Variants in TOM1L2 observed in about 807,000 individuals in gnomAD.
TOM1L2 encodes target of myb1 like 2 membrane trafficking protein, also known as TOM1-like protein 2.
TOM1L2 carries 31 observed loss-of-function variants against 67.9 expected under a neutral mutation model. That is an observed-to-expected ratio of 0.46 (90% CI 0.34 to 0.62). TOM1L2 has a LOEUF of 0.62. Ranked by LOEUF, TOM1L2 falls within the 20% of genes least tolerant of loss-of-function variation. The probability of loss-of-function intolerance (pLI) is 0.01; values close to 1 mark genes in which losing one functional copy is unlikely to be tolerated. For missense variants in TOM1L2, 606 were observed against 663.5 expected (o/e 0.91, Z 0.95); for synonymous variants, 256 against 254.0 (o/e 1.01, Z -0.07).
rs184908441 is a variant in TOM1L2 at position 17,881,555 on chromosome 17, G to A, written c.660+1150C>T. Among the ~76,000 whole-genome samples the A allele has an allele frequency of 9.2e-5, 14 of 152,292 alleles. No individual in the cohort carries two copies. The East Asian group carries it at 2.7e-3, about 29-fold the overall frequency. ...GGCACAGTTCTGCCCATAGAAGCAG[G>A]GCCAAAAGCCAGAGACCTTCTTTCC... On this transcript the variant is annotated intron_variant, in intron 6 of 14. Coordinates refer to ENST00000379504, the MANE Select transcript of TOM1L2 (RefSeq NM_001082968.2).
In TOM1L2 at chr17:17,847,713, C is replaced by T. The variant is rs780707839; in HGVS notation, c.1446G>A (p.Met482Ile). 4.3e-6 allele frequency: 7 copies of T among 1,613,866 alleles called. No individual in the cohort carries two copies. The African/African-American group carries it at 6.7e-5, about 15-fold the overall frequency. The change falls in exon 15 of 15, where the codon ATG (methionine) becomes ATA (isoleucine). Residue 482 changes from methionine to isoleucine, a missense_variant. Transcript: ENST00000379504. ...GGTTTGAGGCTGGGGCAGGAGCCTC[C>T]ATGGGGGGCGAGGGGAGGTCGGGAA... ...EMVPDLPSPP[M>I]EAPAPASNPS... is the part of the protein sequence containing the mutation.
intron 4 of TOM1L2, among the ~76,000 whole-genome samples, chr17:17,887,594 G>C (rs984661995): frequency 1.3e-5 from 2 of 152,156 alleles, no homozygotes; most frequent in African/African-American, 4.8e-5. Flanking sequence ...TCCCACTTTA[G>C]CCTCCAGAGT....
intron 1 of TOM1L2, among the ~76,000 whole-genome samples, chr17:17,968,274 A>G (rs2041939003): frequency 6.6e-6 from 1 of 152,218 alleles, no homozygotes; most frequent in Non-Finnish European, 1.5e-5. Context: ...AACAGACAAA[A>G]TTATTTAGGT....
intron 1 of TOM1L2, among the ~76,000 whole-genome samples, chr17:17,917,324 A>AC (rs1009357750): frequency 1.3e-5 from 2 of 151,708 alleles, no homozygotes; most frequent in African/African-American, 4.8e-5. Context: ...ACAGAGCAAG[A>AC]CCCCATCTCA....
At chr17:17,903,990 G>T (rs1008984065) in intron 2 of TOM1L2, among the ~76,000 whole-genome samples, 9 of 151,472 alleles carry the variant, frequency 5.9e-5, no homozygotes, top group African/African-American at 2.0e-4. Flanking sequence ...CTCAGGAAGA[G>T]ATTATTATTA....
At chr17:17,919,663 G>A (rs1411761367) in intron 1 of TOM1L2, among the ~76,000 whole-genome samples, 1 of 152,156 alleles carries the variant, frequency 6.6e-6, no homozygotes, top group African/African-American at 2.4e-5. Flanking sequence ...GAGGGGCCAC[G>A]GTGTTGTTGC....
chr17:17,881,546 T>A (rs2037723393), intron 6 of TOM1L2, among the ~76,000 whole-genome samples: 2 of 152,204 alleles, frequency 1.3e-5, no homozygotes, highest in South Asian at 4.1e-4. Flanking sequence ...GTTCTGCCCA[T>A]AGAAGCAGGG....
chr17:17,882,965 G>A (rs2037809893), intron 5 of TOM1L2, 102 bp from the exon 6 acceptor site: 7 of 1,439,542 alleles, frequency 4.9e-6, no homozygotes, highest in Admixed American at 1.8e-5. Flanking sequence ...GGCTGCCCAC[G>A]AAAGGCTCAA....
intron 1 of TOM1L2, among the ~76,000 whole-genome samples, chr17:17,934,701 C>T (rs1484107871): frequency 6.6e-6 from 1 of 152,020 alleles, no homozygotes; most frequent in African/African-American, 2.4e-5. Context: ...TAACAATATG[C>T]GATATTTCAT....
At chr17:17,904,787 A>G (rs1382170193) in intron 2 of TOM1L2, among the ~76,000 whole-genome samples, 1 of 151,562 alleles carries the variant, frequency 6.6e-6, no homozygotes, top group Non-Finnish European at 1.5e-5. Context: ...CCCTTGACAC[A>G]CTGGCCCTTT....
intron 1 of TOM1L2, among the ~76,000 whole-genome samples, chr17:17,970,061 T>C (rs1006593619): frequency 2.0e-5 from 3 of 152,052 alleles, no homozygotes; most frequent in African/African-American, 4.8e-5. Context: ...TGTTGTTGTT[T>C]GTTTGTTTTT....
At chr17:17,965,768 A>C (rs1369479836) in intron 1 of TOM1L2, among the ~76,000 whole-genome samples, 2 of 152,250 alleles carry the variant, frequency 1.3e-5, no homozygotes, top group Non-Finnish European at 2.9e-5. Context: ...TGCAAGATGT[A>C]TAAAGTGCCC....
intron 1 of TOM1L2, among the ~76,000 whole-genome samples, chr17:17,961,137 C>T (rs1000181724): frequency 6.6e-6 from 1 of 152,142 alleles, no homozygotes; most frequent in East Asian, 1.9e-4. Flanking sequence ...GACATTTCTC[C>T]AAAGAAGACA....
intron 1 of TOM1L2, among the ~76,000 whole-genome samples, chr17:17,932,775 TC>T (rs1194890014): frequency 3.3e-5 from 5 of 152,156 alleles, no homozygotes; most frequent in Non-Finnish European, 7.3e-5. Context: ...GAAATGGTTC[TC>T]CCATTTTATT....
intron 1 of TOM1L2, among the ~76,000 whole-genome samples, chr17:17,965,681 T>C (rs2050610361): frequency 1.3e-5 from 2 of 152,180 alleles, no homozygotes; most frequent in South Asian, 4.1e-4. Context: ...TACTTTCTCA[T>C]TGTCTTAATG....
At position 17,845,037 on chromosome 17, in the gene TOM1L2, T is replaced by C. The variant is rs1237015133; in HGVS notation, c.*2598A>G. 6.6e-6 allele frequency: 1 copy of C among 152,352 alleles called. No homozygotes were observed. The highest frequency in any genetic ancestry group is 6.5e-5 in the Admixed American group (1 of 15,278). The allele number at this position is 152,352 out of a possible 1,614,324, so 9.4% of individuals were successfully genotyped here. A position where few individuals can be genotyped will look rare whatever the true frequency, so the allele number is the denominator to read the frequency against. ...CAGCCTAAGGACTGTGCTCCCCAGA[T>C]GGTGGGGTCTGGGAGCAGAGATCTC... is the stretch of plus-strand genomic sequence containing the variant. On this transcript the variant is annotated 3_prime_UTR_variant, in exon 15 of 15. Coordinates refer to ENST00000379504, the MANE Select transcript of TOM1L2 (RefSeq NM_001082968.2).
chr17:17,893,558 T>G (rs1208686063), intron 4 of TOM1L2, 103 bp downstream of exon 4: 2 of 1,127,908 alleles, frequency 1.8e-6, no homozygotes, highest in African/African-American at 1.6e-5. Context: ...TGTAGAAGTC[T>G]CCATTTTTTT....
At chr17:17,863,737 C>T (rs1190043842) in intron 10 of TOM1L2, among the ~76,000 whole-genome samples, 1 of 151,856 alleles carries the variant, frequency 6.6e-6, no homozygotes, top group African/African-American at 2.4e-5. Context: ...TTTGTAGAGA[C>T]AAGGTCTCGT....
intron 1 of TOM1L2, among the ~76,000 whole-genome samples, chr17:17,952,376 C>CTTTTTTTTTTTTTTTTT (rs60388742): frequency 1.3e-5 from 1 of 79,902 alleles, no homozygotes; most frequent in African/African-American, 4.4e-5. Flanking sequence ...TCTTTATTTT[C>CTTTTTTTTTTTTTTTTT]TTTTTTTTTT....
Sources: gnomAD v4.1 joint callset for allele counts (sites outside exome capture counted in the v4.1 genomes callset) on GRCh38, gnomAD v4.1.1 for gene constraint, MANE v1.5 for transcripts, NCBI Gene and HGNC (gene_info 2026-07-23, HGNC 2026-07-21) for gene names.